The following IL23R variants were observed in gnomAD, a reference collection of about 807,000 sequenced individuals.
The protein encoded by IL23R is interleukin 23 receptor.
Under a neutral mutation model 56.9 loss-of-function variants are expected in IL23R, and 34 were observed. That is an observed-to-expected ratio of 0.60 (90% confidence interval 0.45 to 0.80). The LOEUF (loss-of-function observed/expected upper bound fraction) is 0.80. Among genes scored for constraint, IL23R ranks in the 30% least tolerant of loss-of-function variants. The pLI is 0.00. For synonymous variants in IL23R, 230 were observed against 249.2 expected (o/e 0.92, Z 0.73); for missense variants, 635 against 730.0 (o/e 0.87, Z 1.50).
intron 8 of IL23R, among the ~76,000 whole-genome samples, chr1:67,237,640 C>T (rs1022412551): frequency 2.0e-5 from 3 of 152,178 alleles, no homozygotes; most frequent in Admixed American, 2.0e-4. Context: ...CAGTTGTTAG[C>T]ATGACTATTA....
At chr1:67,232,530 C>T (rs973450207) in intron 7 of IL23R, among the ~76,000 whole-genome samples, 1 of 152,228 alleles carries the variant, frequency 6.6e-6, no homozygotes, top group Non-Finnish European at 1.5e-5. Context: ...AATTTCCACT[C>T]TTCACCCTCT....
chr1:67,199,604 T>A (rs1288542473), intron 4 of IL23R, among the ~76,000 whole-genome samples: 1 of 152,160 alleles, frequency 6.6e-6, no homozygotes, highest in Non-Finnish European at 1.5e-5. Flanking sequence ...GAAAAATAAC[T>A]GTTATGTTCA....
At chr1:67,210,600 C>T (rs1229218344) in intron 6 of IL23R, among the ~76,000 whole-genome samples, 1 of 151,986 alleles carries the variant, frequency 6.6e-6, no homozygotes, top group East Asian at 1.9e-4. Context: ...GTAGCTGGGA[C>T]TACAGTCACT....
chr1:67,162,086 T>G (rs1471935145), upstream of IL23R, among the ~76,000 whole-genome samples: 1 of 151,956 alleles, frequency 6.6e-6, no homozygotes, highest in African/African-American at 2.4e-5. Flanking sequence ...TTGAATAAAG[T>G]TAACCAAATC....
intron 9 of IL23R, among the ~76,000 whole-genome samples, chr1:67,251,632 C>A (rs1402482855): frequency 1.3e-5 from 2 of 152,032 alleles, no homozygotes; most frequent in Non-Finnish European, 2.9e-5. Context: ...ACTTTACCTC[C>A]CAGGTGCTCA....
At chr1:67,233,225 G>A (rs1463923561) in intron 7 of IL23R, among the ~76,000 whole-genome samples, 4 of 132,146 alleles carry the variant, frequency 3.0e-5, no homozygotes, top group Admixed American at 1.7e-4. Context: ...AAAAAGCCAC[G>A]CGTGGTGGCA....
At chr1:67,228,795 C>A (rs566918144) in intron 7 of IL23R, among the ~76,000 whole-genome samples, 1 of 152,276 alleles carries the variant, frequency 6.6e-6, no homozygotes, top group East Asian at 1.9e-4. Flanking sequence ...AGCATAGCAT[C>A]TTCCAATCTC....
At chr1:67,155,335 CTG>C (rs1168989897) in intron 1 of IL23R, among the ~76,000 whole-genome samples, 2 of 152,116 alleles carry the variant, frequency 1.3e-5, no homozygotes, top group African/African-American at 2.4e-5. Flanking sequence ...GAATGTTGGC[CTG>C]TCTTGCTAGG....
intron 7 of IL23R, among the ~76,000 whole-genome samples, chr1:67,225,324 G>A (rs1325306223): frequency 6.6e-6 from 1 of 152,168 alleles, no homozygotes; most frequent in Non-Finnish European, 1.5e-5. Flanking sequence ...ACTATAGGAG[G>A]TTTCTGATAG....
chr1:67,197,222 G>A (rs1187023494), intron 4 of IL23R, among the ~76,000 whole-genome samples: 4 of 152,166 alleles, frequency 2.6e-5, no homozygotes, highest in Admixed American at 2.6e-4. Context: ...GGGTAGCAAG[G>A]AAGTGAGAAT....
intron 6 of IL23R, among the ~76,000 whole-genome samples, chr1:67,208,834 A>G (rs1237199226): frequency 6.6e-6 from 1 of 152,188 alleles, no homozygotes; most frequent in Non-Finnish European, 1.5e-5. Flanking sequence ...TCCAGATTCC[A>G]GAATGGTAGA....
chr1:67,196,694 A>G (rs115061523), intron 4 of IL23R, among the ~76,000 whole-genome samples: 197 of 152,372 alleles, frequency 1.3e-3, no homozygotes, highest in African/African-American at 4.6e-3. Context: ...CATAAACCAA[A>G]CAGGTAACAA....
chr1:67,173,153 T>C (rs1646964438), intron 3 of IL23R, among the ~76,000 whole-genome samples: 1 of 152,154 alleles, frequency 6.6e-6, no homozygotes, highest in Admixed American at 6.6e-5. Context: ...TCTAGTTGTA[T>C]AGCCAGGTTT....
chr1:67,204,404 T>G (rs1648864189), intron 5 of IL23R, among the ~76,000 whole-genome samples: 1 of 152,230 alleles, frequency 6.6e-6, no homozygotes. Flanking sequence ...CTGAGTCTTG[T>G]GTAACAAACT....
intron 1 of IL23R, among the ~76,000 whole-genome samples, chr1:67,152,396 C>T (rs995914293): frequency 3.9e-5 from 6 of 152,172 alleles, no homozygotes; most frequent in East Asian, 3.9e-4. Flanking sequence ...AACATGTCAT[C>T]TGCAAACAGA....
At chr1:67,212,967 G>C (rs1318649223) in intron 6 of IL23R, among the ~76,000 whole-genome samples, 1 of 151,896 alleles carries the variant, frequency 6.6e-6, no homozygotes, top group African/African-American at 2.4e-5. Context: ...TCTGCTTCCC[G>C]GGTTCAAGCG....
rs184024425 is a variant in IL23R, at chr1:67,176,784, C to A, written c.368-6052C>A. ...ATATCTCCTAATGCTATCCCTCCCC[C>A]CTCCTCCCACCACACAACTGGCCCC... On this transcript the variant is annotated intron_variant, in intron 3 of 10. Transcript: ENST00000347310. 1.3e-4 allele frequency among the ~76,000 whole-genome samples: 20 copies of A among 152,220 alleles called. No homozygotes were observed. In the East Asian group the frequency reaches 3.3e-3, roughly 25 times the overall value.
intron 7 of IL23R, among the ~76,000 whole-genome samples, chr1:67,234,707 CTTTT>C (rs5774860): frequency 8.5e-6 from 1 of 117,584 alleles, no homozygotes; most frequent in Non-Finnish European, 1.7e-5. Context: ...TATTTTTACT[CTTTT>C]TTTTTTTTTT....
In IL23R at chr1:67,207,075, T is replaced by C; in HGVS notation, c.798+20T>C. ...TGGAATGTAAGCTCAACTTTCATTA[T>C]GCTTTAGCATGTGAATGAATGATTT... On this transcript the variant is annotated intron_variant, in intron 6 of 10. Transcript: ENST00000347310. 6.2e-7 allele frequency: 1 copy of C among 1,612,674 alleles called. No individual in the cohort carries two copies. The highest frequency in any genetic ancestry group is 1.7e-5 in the Admixed American group (1 of 60,028).
Sources: allele counts gnomAD v4.1 joint callset (sites outside exome capture counted in the v4.1 genomes callset), GRCh38; gene constraint gnomAD v4.1.1; transcripts MANE v1.5; gene names NCBI Gene and HGNC (gene_info 2026-07-23, HGNC 2026-07-21).